Variants in POLR3E observed in about 807,000 individuals in gnomAD.
POLR3E encodes DNA-directed RNA polymerase III subunit RPC5.
POLR3E carries 41 observed loss-of-function variants against 96.6 expected under a neutral mutation model. That is an observed-to-expected ratio of 0.42 (90% CI 0.33 to 0.55). The LOEUF (loss-of-function observed/expected upper bound fraction) is 0.55, where lower values mean the gene tolerates loss of function less well. POLR3E is among the 20% of genes least tolerant of loss of function. The pLI, the probability that POLR3E is intolerant of heterozygous loss-of-function variation, is 0.06. For synonymous variants in POLR3E, 396 were observed against 383.6 expected, an observed-to-expected ratio of 1.03 and a Z score of -0.38; for missense variants, 849 against 952.1, an observed-to-expected ratio of 0.89 and a Z score of 1.43.
chr16:22,322,412 G>C lies in POLR3E; in HGVS notation c.987-438G>C, dbSNP rs2048488487. On this transcript the variant is annotated intron_variant, in intron 13 of 20. Coordinates refer to ENST00000299853, the MANE Select transcript of POLR3E (RefSeq NM_018119.4). This position sits in a 1 kb window ranked among gnomAD's most constrained non-coding sequence, Gnocchi z 5.2. ...ACATGCCTCCCCTGCCTCTGACCTC[G>C]GTTCATGCCCACCTGCCCCTTTCAG... is the stretch of plus-strand genomic sequence containing the variant. Among the ~76,000 whole-genome samples, 1 of 152,112 alleles carries C rather than the reference G, an allele frequency of 6.6e-6. No homozygotes were observed. Among genetic ancestry groups the C allele is most frequent in the Non-Finnish European group, 1.5e-5 (1 of 68,018 alleles).
rs1297651914 is a variant in POLR3E, at chr16:22,328,787, G to A, written c.1944+200G>A. The A allele has an allele frequency of 2.2e-5, 12 of 549,624 alleles. 1 individual carries two copies. In the Admixed American group the frequency reaches 3.6e-4, roughly 16 times the overall value. 34.0% of individuals were successfully genotyped at this position (549,624 alleles called of 1,614,324 possible). Reference sequence around the variant, plus strand: ...CCAATAGTTTGAACCTAAACCAGTGGTTCCCAGATGCCAGTCTGTGAGCCA... The same window carrying A: ...CCAATAGTTTGAACCTAAACCAGTGATTCCCAGATGCCAGTCTGTGAGCCA... On this transcript the variant is annotated intron_variant, in intron 19 of 20. Coordinates refer to ENST00000299853, the MANE Select transcript of POLR3E (RefSeq NM_018119.4).
chr16:22,330,896 G>C (rs943582577), intron 19 of POLR3E, among the ~76,000 whole-genome samples: 1 of 147,784 alleles, frequency 6.8e-6, no homozygotes, highest in Non-Finnish European at 1.5e-5. Flanking sequence ...ATGGAACAAT[G>C]TGTGAGGTTA....
In POLR3E at chr16:22,326,180, G is replaced by A; in HGVS notation, c.1768G>A (p.Ala590Thr). Residue 590 changes from alanine (A) to threonine (T), a missense_variant, in exon 18 of 21, where the codon GCC (alanine) becomes ACC (threonine). Transcript: ENST00000299853. ...ELKRLFNLHLASLPPGHTLFS... is the reference protein window; with the variant it reads ...ELKRLFNLHLTSLPPGHTLFS... ...CAAGCGCCTCTTCAATCTGCACTTG[G>A]CCAGCCTGCCCCCCGGCCACACACT... 2 of 1,613,986 alleles carry A rather than the reference G, an allele frequency of 1.2e-6. No homozygotes were observed. The highest frequency in any genetic ancestry group is 1.1e-5 in the South Asian group (1 of 91,072).
At chr16:22,299,315 G>A (rs1210501413) in intron 1 of POLR3E, among the ~76,000 whole-genome samples, 1 of 151,984 alleles carries the variant, frequency 6.6e-6, no homozygotes, top group Admixed American at 6.6e-5. Context: ...ACAAGATTAT[G>A]TAGGGCCTTA....
At chr16:22,312,591 G>A (rs982940392) in intron 6 of POLR3E, among the ~76,000 whole-genome samples, 12 of 152,188 alleles carry the variant, frequency 7.9e-5, no homozygotes, top group East Asian at 1.9e-4. Context: ...GCGCGGCCGG[G>A]CGCAGTGGCT....
chr16:22,307,999 G>A (rs995931386), intron 3 of POLR3E, 149 bp from the exon 4 acceptor site: 6 of 629,832 alleles, frequency 9.5e-6, no homozygotes, highest in Middle Eastern at 2.6e-4. Flanking sequence ...GGTGCCTCAT[G>A]GTAGGGCTGG....
At chr16:22,320,948 TTC>T (rs1227056751) in intron 13 of POLR3E, among the ~76,000 whole-genome samples, 1 of 152,208 alleles carries the variant, frequency 6.6e-6, no homozygotes, top group Non-Finnish European at 1.5e-5. Context: ...TTTTAGGAGT[TTC>T]TCTGTTTTTG....
At chr16:22,312,179 A>G (rs1033664690) in intron 6 of POLR3E, among the ~76,000 whole-genome samples, 1 of 152,194 alleles carries the variant, frequency 6.6e-6, no homozygotes, top group Admixed American at 6.5e-5. Context: ...CTGGCTGCAC[A>G]GCTTTGTGAA....
chr16:22,317,267 C>G, intron 12 of POLR3E, 61 bp downstream of exon 12: 1 of 1,225,674 alleles, frequency 8.2e-7, no homozygotes, highest in Non-Finnish European at 1.2e-6. Flanking sequence ...GAGGAATGGA[C>G]TCTGTGGGAC....
At position 22,330,095 on chromosome 16, in the gene POLR3E, C is replaced by T. The variant is rs117404167; in HGVS notation, c.1944+1508C>T. ...TTTTTGAGATAGATAGCGTCTTGCT[C>T]TTGCTCTTGCTCTGTCATCTAGGCC... On this transcript the variant is annotated intron_variant, in intron 19 of 20. Transcript: ENST00000299853. Among the ~76,000 whole-genome samples, 121 of 149,430 alleles carry T rather than the reference C, an allele frequency of 8.1e-4. 2 individuals carry two copies. The East Asian group carries it at 0.015, about 18-fold the overall frequency.
intron 8 of POLR3E, 64 bp downstream of exon 8, chr16:22,314,192 G>A: frequency 1.5e-6 from 2 of 1,313,616 alleles, no homozygotes; most frequent in Non-Finnish European, 2.2e-6. Context: ...GAGACCAAGG[G>A]GTAGCGGGTC....
intron 3 of POLR3E, 45 bp from the exon 4 acceptor site, chr16:22,308,103 C>T (rs369410140): frequency 1.4e-6 from 2 of 1,457,582 alleles, no homozygotes; most frequent in Non-Finnish European, 1.9e-6. Flanking sequence ...CAGCTCTGGG[C>T]ATGGCTGGGC....
intron 1 of POLR3E, chr16:22,302,604 A>G (rs1449504233): frequency 6.3e-5 from 16 of 255,374 alleles, no homozygotes; most frequent in East Asian, 9.8e-5. Flanking sequence ...GCCAACCTCT[A>G]TCCTTCTGTC....
intron 4 of POLR3E, 117 bp from the exon 5 acceptor site, chr16:22,308,808 C>G: frequency 1.6e-6 from 1 of 644,896 alleles, no homozygotes. Context: ...GGACATGTGT[C>G]AGTCTCGCTT....
intron 3 of POLR3E, among the ~76,000 whole-genome samples, chr16:22,306,722 T>C (rs554505370): frequency 7.2e-5 from 11 of 152,262 alleles, no homozygotes; most frequent in Non-Finnish European, 1.6e-4. Flanking sequence ...TGAATTCTCA[T>C]TTCTTCTAGG....
At chr16:22,300,237 C>T (rs1357682381) in intron 1 of POLR3E, among the ~76,000 whole-genome samples, 1 of 152,112 alleles carries the variant, frequency 6.6e-6, no homozygotes, top group African/African-American at 2.4e-5. Context: ...TACGTGAAAC[C>T]TTGTTTCAGT....
At chr16:22,310,179 T>A (rs2048216294) in intron 6 of POLR3E, 1 of 152,706 alleles carries the variant, frequency 6.5e-6, no homozygotes, top group African/African-American at 2.4e-5. Flanking sequence ...TCCCATAACA[T>A]TATAATGGAG....
At chr16:22,317,689 A>G (rs1485566383) in intron 12 of POLR3E, among the ~76,000 whole-genome samples, 1 of 150,888 alleles carries the variant, frequency 6.6e-6, no homozygotes, top group South Asian at 2.1e-4. Flanking sequence ...GGTTTTTTTA[A>G]AGGTTTTAAA....
chr16:22,301,755 G>A (rs1198058631), intron 1 of POLR3E, among the ~76,000 whole-genome samples: 1 of 151,660 alleles, frequency 6.6e-6, no homozygotes, highest in Non-Finnish European at 1.5e-5. Context: ...GCAAGTCCCT[G>A]TCTCTACTAA....
Sources: allele counts gnomAD v4.1 joint callset (sites outside exome capture counted in the v4.1 genomes callset), GRCh38; gene constraint gnomAD v4.1.1; non-coding constraint Gnocchi (gnomAD v3.1); transcripts MANE v1.5; gene names NCBI Gene and HGNC (gene_info 2026-07-23, HGNC 2026-07-21).